NRXN2: variants seen among roughly 807,000 people sequenced by gnomAD.
NRXN2 encodes the protein neurexin-2-beta.
Under a neutral mutation model 128.8 loss-of-function variants are expected in NRXN2, and 29 were observed. The ratio of observed to expected loss-of-function variants is 0.23; its 90% confidence interval spans 0.17 to 0.31. The LOEUF (loss-of-function observed/expected upper bound fraction) is 0.31, where lower values mean the gene tolerates loss of function less well. NRXN2 is among the 10% of genes least tolerant of loss of function. The probability of loss-of-function intolerance (pLI) is 1.00; values close to 1 mark genes in which losing one functional copy is unlikely to be tolerated. For missense variants in NRXN2, 1,881 were observed against 2,452.6 expected, an observed-to-expected ratio of 0.77 and a Z score of 4.92; for synonymous variants, 1,098 against 1,075.2, an observed-to-expected ratio of 1.02 and a Z score of -0.41.
In NRXN2 at chr11:64,651,430, T is replaced by C. The variant is rs1358727323; in HGVS notation, c.2743A>G (p.Ile915Val). 3 of 1,614,172 alleles carry C rather than the reference T, an allele frequency of 1.9e-6. No individual in the cohort carries two copies. Among genetic ancestry groups the C allele is most frequent in the Middle Eastern group, 1.6e-4 (1 of 6,062 alleles). Reference protein sequence around the residue: ...ELNARFGLRAIVADPVTFKSR... With the variant: ...ELNARFGLRAVVADPVTFKSR... ...TTGAAGGTGACGGGATCGGCCACGA[T>C]GGCACGCAGGCCAAAGCGAGCATTG... The change falls in exon 14 of 23, where the codon ATC becomes GTC. Residue 915 changes from isoleucine (I) to valine (V), a missense_variant. By Grantham distance (29) the Ile-to-Val change is conservative (BLOSUM62 3). Around this residue, in one of 7 missense-constraint regions of NRXN2, gnomAD observed 390 missense variants for 599.6 expected, o/e 0.65. Transcript: ENST00000265459. The surrounding 1 kb of genome is among the most constrained non-coding windows in gnomAD (Gnocchi z 5.9).
intron 17 of NRXN2, chr11:64,642,927 A>T: frequency 2.0e-6 from 2 of 1,025,554 alleles, no homozygotes; most frequent in Non-Finnish European, 2.3e-6. Context: ...AAGCGGAGGT[A>T]AACCAGGGCC....
chr11:64,707,691 A>T (rs1290385179), intron 2 of NRXN2, among the ~76,000 whole-genome samples: 1 of 152,244 alleles, frequency 6.6e-6, no homozygotes, highest in African/African-American at 2.4e-5. Context: ...ATAGATAAGG[A>T]AATGGGGGCA....
At chr11:64,628,795 G>T (rs1318942440) in intron 19 of NRXN2, among the ~76,000 whole-genome samples, 2 of 152,226 alleles carry the variant, frequency 1.3e-5, no homozygotes, top group Non-Finnish European at 2.9e-5. Context: ...TTGTTGGGGG[G>T]CGTGGGGGAT....
chr11:64,610,178 C>T (rs11231841), intron 22 of NRXN2, among the ~76,000 whole-genome samples: 17,041 of 152,046 alleles, frequency 0.11, 1,467 homozygotes, highest in East Asian at 0.29. Context: ...TCTTCCCACC[C>T]GACTCCAATC....
chr11:64,608,742 G>C (rs1433370029), intron 22 of NRXN2, among the ~76,000 whole-genome samples: 2 of 152,204 alleles, frequency 1.3e-5, no homozygotes, highest in African/African-American at 4.8e-5. Context: ...GCCTCCTCCT[G>C]AACTCTCTCT....
chr11:64,667,810 C>A lies in NRXN2; in HGVS notation c.1360-122G>T. ...CACCCCTGTAGCCCCTGCTCAGTTC[C>A]ACCAGACCACCCGCTTAGGCCTCTG... On this transcript the variant is annotated intron_variant, in intron 8 of 22. Coordinates refer to ENST00000265459, the MANE Select transcript of NRXN2 (RefSeq NM_015080.4). This position sits in a 1 kb window ranked among gnomAD's most constrained non-coding sequence, Gnocchi z 5.6. 1.2e-6 allele frequency: 1 copy of A among 849,074 alleles called. No homozygotes were observed. The highest frequency in any genetic ancestry group is 1.9e-6 in the Non-Finnish European group (1 of 516,242). The allele number at this position is 849,074 out of a possible 1,614,324, so 52.6% of individuals were successfully genotyped here. A position where few individuals can be genotyped will look rare whatever the true frequency, so the allele number is the denominator to read the frequency against.
chr11:64,696,252 C>G (rs2054504434), intron 3 of NRXN2, among the ~76,000 whole-genome samples: 1 of 151,996 alleles, frequency 6.6e-6, no homozygotes, highest in Non-Finnish European at 1.5e-5. Flanking sequence ...CACGCAGACT[C>G]TCTCTGTGAC....
intron 9 of NRXN2, among the ~76,000 whole-genome samples, chr11:64,666,990 G>C (rs1282622286): frequency 6.6e-6 from 1 of 152,154 alleles, no homozygotes; most frequent in Non-Finnish European, 1.5e-5. Flanking sequence ...CTACAGATAA[G>C]GAAACAGAGT....
chr11:64,666,936 G>C (rs2049953821), intron 9 of NRXN2, among the ~76,000 whole-genome samples: 1 of 152,122 alleles, frequency 6.6e-6, no homozygotes, highest in Non-Finnish European at 1.5e-5. Context: ...CCACAGATGT[G>C]CTCTTATTTT....
At chr11:64,616,922 G>T (rs998289783) in intron 22 of NRXN2, among the ~76,000 whole-genome samples, 1 of 152,186 alleles carries the variant, frequency 6.6e-6, no homozygotes, top group Non-Finnish European at 1.5e-5. Context: ...GTGCCTCTGC[G>T]GCTATTTCTG....
intron 14 of NRXN2, 139 bp from the exon 15 acceptor site, chr11:64,650,777 C>T (rs897867281): frequency 2.6e-6 from 2 of 760,814 alleles, no homozygotes; most frequent in Non-Finnish European, 4.4e-6. Context: ...AGGAGAGCGA[C>T]CAAAACCAAT....
intron 22 of NRXN2, among the ~76,000 whole-genome samples, chr11:64,609,098 C>T (rs1433798079): frequency 6.6e-6 from 1 of 151,738 alleles, no homozygotes; most frequent in African/African-American, 2.4e-5. Flanking sequence ...TCCCGTAGGA[C>T]TCTGGGAGGG....
chr11:64,612,411 A>G (rs1485775640), intron 22 of NRXN2, among the ~76,000 whole-genome samples: 4 of 152,334 alleles, frequency 2.6e-5, no homozygotes, highest in African/African-American at 9.6e-5. Context: ...AGGCAGCTGC[A>G]GCATTTGGAA....
Position 64,648,195 on chromosome 11 carries a change from C to T in NRXN2, c.3403+24G>A, listed in dbSNP as rs1274800732. The stretch of plus-strand genomic sequence containing the variant: ...AATGGACCCTGGTCTCCCCAAACTG[C>T]CCCCAGCCCTCCCAGGCACTCACGA... On this transcript the variant is annotated intron_variant, in intron 17 of 22. Transcript: ENST00000265459. This position sits in a 1 kb window ranked among gnomAD's most constrained non-coding sequence, Gnocchi z 4.1. 3.1e-6 allele frequency: 5 copies of T among 1,613,752 alleles called. No homozygotes were observed. The highest frequency in any genetic ancestry group is 4.2e-6 in the Non-Finnish European group (5 of 1,179,958).
At position 64,626,527 on chromosome 11, in the gene NRXN2, C is replaced by T. The variant is rs2043087933; in HGVS notation, c.3783G>A (p.Ala1261=). 1.9e-6 allele frequency: 3 copies of T among 1,613,968 alleles called. No individual in the cohort carries two copies. The highest frequency in any genetic ancestry group is 1.1e-5 in the South Asian group (1 of 91,084). ...PAGNFDNERL[A]IARQRIPYRL... ...GGTAGGGGATTCTCTGTCTAGCAAT[C>T]GCCAGGCGCTCGTTATCAAAGTTTC... Residue 1261 remains alanine, a synonymous_variant, in exon 20 of 23, where the codon GCG becomes GCA. Transcript: ENST00000265459.
At chr11:64,718,517 T>G (rs2057356141) in intron 1 of NRXN2, among the ~76,000 whole-genome samples, 1 of 152,136 alleles carries the variant, frequency 6.6e-6, no homozygotes, top group Non-Finnish European at 1.5e-5. Flanking sequence ...AGATTCTGGC[T>G]CAGGCTAAAG....
intron 17 of NRXN2, among the ~76,000 whole-genome samples, chr11:64,647,135 C>T (rs2046804447): frequency 6.6e-6 from 1 of 151,984 alleles, no homozygotes; most frequent in Admixed American, 6.6e-5. Flanking sequence ...CCCAAATCTG[C>T]TATGAACTAC....
At chr11:64,670,514 C>T (rs1435465646) in intron 7 of NRXN2, among the ~76,000 whole-genome samples, 1 of 151,948 alleles carries the variant, frequency 6.6e-6, no homozygotes, top group East Asian at 1.9e-4. Context: ...AAATTCAGCT[C>T]CATCCAGCCC....
chr11:64,620,449 C>T, intron 21 of NRXN2, 77 bp from the exon 22 acceptor site: 1 of 1,113,416 alleles, frequency 9.0e-7, no homozygotes, highest in South Asian at 1.3e-5. Flanking sequence ...ACTTGAGGTG[C>T]ACGGTGGCAC....
Sources: gnomAD v4.1 joint callset for allele counts (sites outside exome capture counted in the v4.1 genomes callset) on GRCh38, gnomAD v4.1.1 for gene constraint, gnomAD v4.1.1 regional missense constraint, Gnocchi (gnomAD v3.1) non-coding constraint, MANE v1.5 for transcripts, NCBI Gene and HGNC (gene_info 2026-07-23, HGNC 2026-07-21) for gene names.